TACR1: variants seen among roughly 807,000 people sequenced by gnomAD.
TACR1 encodes the protein tachykinin receptor 1.
A neutral mutation model predicts 35.8 loss-of-function variants in TACR1; 25 were observed. The observed-to-expected ratio is 0.70, with a 90% CI of 0.51 to 0.98. The LOEUF is 0.98. TACR1 is among the 50% of genes least tolerant of loss of function. TACR1 has a pLI of 0.00. For missense variants in TACR1, 478 were observed against 522.9 expected, an observed-to-expected ratio of 0.91 and a Z score of 0.84; for synonymous variants, 195 against 206.7, an observed-to-expected ratio of 0.94 and a Z score of 0.48.
chr2:75,141,671 C>T (rs975664), intron 1 of TACR1, among the ~76,000 whole-genome samples: 76,090 of 152,114 alleles, frequency 0.5, 20,247 homozygotes, highest in African/African-American at 0.6. Context: ...TCAGGCACTC[C>T]ATTGGGTACT....
intron 2 of TACR1, among the ~76,000 whole-genome samples, chr2:75,088,387 A>C (rs1387349250): frequency 6.6e-6 from 1 of 152,122 alleles, no homozygotes; most frequent in Non-Finnish European, 1.5e-5. Flanking sequence ...ATTTGCTGTC[A>C]TGAGGGCCTG....
chr2:75,079,134 T>A (rs1331882122), intron 2 of TACR1, among the ~76,000 whole-genome samples: 2 of 152,146 alleles, frequency 1.3e-5, no homozygotes, highest in African/African-American at 4.8e-5. Context: ...CCACATGATA[T>A]ACCTTCACAT....
In TACR1 at chr2:75,145,994, G is replaced by A. The variant is rs534105952; in HGVS notation, c.390-25226C>T. Among the ~76,000 whole-genome samples, 6 of 152,288 alleles carry A rather than the reference G, an allele frequency of 3.9e-5. No homozygotes were observed. The East Asian group carries it at 1.2e-3, about 29-fold the overall frequency. On this transcript the variant is annotated intron_variant, in intron 1 of 4. Transcript: ENST00000305249. ...CTGTGGGGAATGCAAAGAGAAAGTG[G>A]CCAAAGATCAAATCCTAGAGAATAT...
chr2:75,091,799 G>A (rs1673318314), intron 2 of TACR1, among the ~76,000 whole-genome samples: 1 of 152,178 alleles, frequency 6.6e-6, no homozygotes, highest in Non-Finnish European at 1.5e-5. Flanking sequence ...CTTATCTGCT[G>A]TATGGGCAGT....
intron 1 of TACR1, among the ~76,000 whole-genome samples, chr2:75,144,180 A>T (rs1400083700): frequency 6.6e-6 from 1 of 152,228 alleles, no homozygotes; most frequent in African/African-American, 2.4e-5. Context: ...TTACATAAGT[A>T]TACAGAAGTT....
intron 2 of TACR1, among the ~76,000 whole-genome samples, chr2:75,061,128 G>A (rs934815508): frequency 5.3e-5 from 8 of 151,904 alleles, no homozygotes; most frequent in Non-Finnish European, 1.2e-4. Flanking sequence ...ACAAGCGGAT[G>A]CAAGATGGCC....
intron 2 of TACR1, among the ~76,000 whole-genome samples, chr2:75,102,577 A>G (rs1673559958): frequency 6.6e-6 from 1 of 152,142 alleles, no homozygotes. Context: ...TCATACAAGT[A>G]TCTTGGGGGG....
At chr2:75,125,947 CA>C (rs1459504386) in intron 1 of TACR1, among the ~76,000 whole-genome samples, 3 of 152,112 alleles carry the variant, frequency 2.0e-5, no homozygotes, top group African/African-American at 7.2e-5. Context: ...ATTTTAGGTT[CA>C]GGGGTACATG....
intron 1 of TACR1, among the ~76,000 whole-genome samples, chr2:75,125,549 A>T (rs560161422): frequency 6.6e-6 from 1 of 152,086 alleles, no homozygotes; most frequent in Non-Finnish European, 1.5e-5. Flanking sequence ...TGGCCTGCCC[A>T]GGTGCTGAGG....
chr2:75,189,689 AT>A (rs1337395717), intron 1 of TACR1: 1 of 152,204 alleles, frequency 6.6e-6, no homozygotes, highest in Non-Finnish European at 1.5e-5. Flanking sequence ...TGTGTGCTAA[AT>A]TTAGAAGTTT....
chr2:75,144,839 A>G (rs1674472338), intron 1 of TACR1, among the ~76,000 whole-genome samples: 1 of 152,226 alleles, frequency 6.6e-6, no homozygotes, highest in African/African-American at 2.4e-5. Context: ...CAGATTGGAT[A>G]GCACAGAAAA....
At chr2:75,167,138 A>G (rs554201150) in intron 1 of TACR1, among the ~76,000 whole-genome samples, 4 of 152,350 alleles carry the variant, frequency 2.6e-5, no homozygotes, top group East Asian at 3.9e-4. Context: ...TGAGAAATAC[A>G]TTCAGTGCTT....
intron 2 of TACR1, among the ~76,000 whole-genome samples, chr2:75,077,312 G>T (rs1254329627): frequency 6.6e-6 from 1 of 152,196 alleles, no homozygotes; most frequent in African/African-American, 2.4e-5. Flanking sequence ...TTCAGAGAGA[G>T]AATACTTTGG....
chr2:75,133,580 A>G (rs988959287), intron 1 of TACR1, among the ~76,000 whole-genome samples: 1 of 152,200 alleles, frequency 6.6e-6, no homozygotes, highest in African/African-American at 2.4e-5. Flanking sequence ...TAACTCATCC[A>G]CCAAGTGCTG....
chr2:75,115,084 CGT>C (rs3079164), intron 2 of TACR1, among the ~76,000 whole-genome samples: 2,593 of 148,702 alleles, frequency 0.017, 21 homozygotes, highest in East Asian at 0.028. Flanking sequence ...TGTTAACATA[CGT>C]GTGTGTGTGT....
At chr2:75,167,199 AAATT>A (rs1251258610) in intron 1 of TACR1, among the ~76,000 whole-genome samples, 1 of 152,246 alleles carries the variant, frequency 6.6e-6, no homozygotes, top group African/African-American at 2.4e-5. Context: ...AATTGAAAGG[AAATT>A]AATTATCCCC....
chr2:75,156,487 C>T (rs1055093190), intron 1 of TACR1, among the ~76,000 whole-genome samples: 1 of 150,644 alleles, frequency 6.6e-6, no homozygotes, highest in Non-Finnish European at 1.5e-5. Flanking sequence ...CCTGTGGTCC[C>T]AGCTACTCAG....
intron 2 of TACR1, among the ~76,000 whole-genome samples, chr2:75,104,119 C>T (rs1279679350): frequency 1.3e-5 from 2 of 151,908 alleles, no homozygotes; most frequent in Non-Finnish European, 2.9e-5. Flanking sequence ...ACACAGAGTG[C>T]TTAATGGATT....
At chr2:75,126,970 T>C (rs1038388237) in intron 1 of TACR1, among the ~76,000 whole-genome samples, 1 of 152,326 alleles carries the variant, frequency 6.6e-6, no homozygotes, top group Middle Eastern at 3.4e-3. Context: ...AGAATGGCTA[T>C]TTTGAAAAGT....
Sources: gnomAD v4.1 joint callset for allele counts (sites outside exome capture counted in the v4.1 genomes callset) on GRCh38, gnomAD v4.1.1 for gene constraint, MANE v1.5 for transcripts, NCBI Gene and HGNC (gene_info 2026-07-23, HGNC 2026-07-21) for gene names.